The following TENM1 variants were observed in gnomAD, a reference collection of about 807,000 sequenced individuals.
The protein encoded by TENM1 is teneurin transmembrane protein 1.
TENM1 carries 35 observed loss-of-function variants against 174.8 expected under a neutral mutation model. The ratio of observed to expected loss-of-function variants is 0.20; its 90% CI spans 0.15 to 0.27. TENM1 has a LOEUF of 0.27. TENM1 is among the 10% of genes least tolerant of loss of function. The pLI, the probability that TENM1 is intolerant of heterozygous loss-of-function variation, is 1.00. For missense variants in TENM1, 1,633 were observed against 2,130.1 expected, an observed-to-expected ratio of 0.77 and a Z score of 4.59; for synonymous variants, 781 against 798.7, an observed-to-expected ratio of 0.98 and a Z score of 0.37.
intron 11 of TENM1, among the ~76,000 whole-genome samples, chrX:124,636,087 G>A (rs189620974): frequency 1.2e-3 from 140 of 112,047 alleles, no homozygotes; most frequent in African/African-American, 4.4e-3. Flanking sequence ...TATCAGAGCA[G>A]CACAGTTAAC....
At chrX:124,869,032 C>T (rs1279571647) in intron 3 of TENM1, among the ~76,000 whole-genome samples, 2 of 103,034 alleles carry the variant, frequency 1.9e-5, no homozygotes, top group Admixed American at 1.1e-4. Flanking sequence ...CGAGACCAGC[C>T]TGGCCAACAT....
At chrX:124,874,676 A>C (rs1266654926) in intron 3 of TENM1, among the ~76,000 whole-genome samples, 2 of 110,959 alleles carry the variant, frequency 1.8e-5, no homozygotes, top group African/African-American at 6.5e-5. Flanking sequence ...ACTTATTTTC[A>C]CATTTAATTT....
At chrX:125,203,417 C>A in the TENM1 span, among the ~76,000 whole-genome samples, 26 of 112,322 alleles carry the variant, frequency 2.3e-4, no homozygotes, top group African/African-American at 7.8e-4. Context: ...CTGGGCTCTG[C>A]GCGAGAGCCG....
At chrX:125,159,093 T>C in the TENM1 span, among the ~76,000 whole-genome samples, 8 of 111,288 alleles carry the variant, frequency 7.2e-5, no homozygotes, top group Non-Finnish European at 1.5e-4. Flanking sequence ...TAGTAAACAG[T>C]CCAGTCAAAA....
intron 3 of TENM1, among the ~76,000 whole-genome samples, chrX:124,840,869 T>G (rs144798141): frequency 1.1e-4 from 12 of 111,744 alleles, no homozygotes; most frequent in South Asian, 3.7e-4. Flanking sequence ...ATAATATACA[T>G]TATAATTTTA....
At chrX:124,937,444 C>T (rs745811416) in intron 1 of TENM1, among the ~76,000 whole-genome samples, 218 of 111,736 alleles carry the variant, frequency 2.0e-3, no homozygotes, top group Middle Eastern at 4.7e-3. Flanking sequence ...AGATGATGCT[C>T]ATCTAAGTGC....
intron 23 of TENM1, among the ~76,000 whole-genome samples, chrX:124,432,737 T>C (rs1361517824): frequency 8.9e-6 from 1 of 112,180 alleles, no homozygotes; most frequent in Non-Finnish European, 1.9e-5. Context: ...ACTCTGTTTT[T>C]GAATCTGAGT....
chrX:124,487,276 G>A (rs2046972634), intron 20 of TENM1, 47 bp from the exon 24 acceptor site: 10 of 1,115,858 alleles, frequency 9.0e-6, no homozygotes, highest in Admixed American at 2.6e-5. Flanking sequence ...AGCAAACAGA[G>A]AGTCATCAGT....
intron 4 of TENM1, among the ~76,000 whole-genome samples, chrX:124,729,754 T>C (rs1219615383): frequency 2.7e-5 from 3 of 112,253 alleles, no homozygotes; most frequent in Non-Finnish European, 5.6e-5. Flanking sequence ...GTTTTGAAGA[T>C]TGATCACAGG....
intron 3 of TENM1, among the ~76,000 whole-genome samples, chrX:124,828,424 A>G (rs1369215515): frequency 2.7e-5 from 3 of 112,586 alleles, no homozygotes; most frequent in African/African-American, 6.5e-5. Context: ...ACTAAATAAA[A>G]CATAAATTTA....
chrX:124,443,401 CAG>C (rs1466718271), intron 23 of TENM1, among the ~76,000 whole-genome samples: 1 of 111,100 alleles, frequency 9.0e-6, no homozygotes, highest in African/African-American at 3.3e-5. Context: ...AATATTGATT[CAG>C]AGTTACCAAA....
At chrX:125,056,483 T>C in the TENM1 span, among the ~76,000 whole-genome samples, 1 of 111,670 alleles carries the variant, frequency 9.0e-6, no homozygotes, top group Non-Finnish European at 1.9e-5. Context: ...AGAGCCATTG[T>C]ACCACTGGTA....
chrX:124,980,614 G>A, the TENM1 span, among the ~76,000 whole-genome samples: 1 of 110,708 alleles, frequency 9.0e-6, no homozygotes, highest in Non-Finnish European at 1.9e-5. Flanking sequence ...ATTTAATAAT[G>A]AAAATTATGT....
At chrX:124,859,272 C>T (rs1462246058) in intron 3 of TENM1, among the ~76,000 whole-genome samples, 1 of 110,697 alleles carries the variant, frequency 9.0e-6, no homozygotes, top group Non-Finnish European at 1.9e-5. Context: ...TGGCCAGGCG[C>T]GGTGGCTCAA....
the TENM1 span, among the ~76,000 whole-genome samples, chrX:125,070,551 T>A: frequency 9.0e-6 from 1 of 111,616 alleles, no homozygotes; most frequent in African/African-American, 3.3e-5. Context: ...ACAAGTTTAC[T>A]TGTTAAGGTT....
At chrX:124,789,886 C>T (rs1269374677) in intron 3 of TENM1, among the ~76,000 whole-genome samples, 3 of 111,539 alleles carry the variant, frequency 2.7e-5, no homozygotes, top group Non-Finnish European at 5.6e-5. Flanking sequence ...TTTTCAGTAG[C>T]GCCTCATTCT....
In TENM1 at chrX:124,571,653, ATAAAT is replaced by A. The variant is rs1001283999; in HGVS notation, c.2078-6098_2078-6094del. On this transcript the variant is annotated intron_variant, in intron 11 of 31. Transcript: ENST00000422452. ...AAACATTAAAGATTAAAATTCAAAA[ATAAAT>A]TAGAGACTGCTATTAACAACTTTAT... Among the ~76,000 whole-genome samples the A allele has an allele frequency of 4.5e-5, 5 of 112,221 alleles. No homozygotes were observed. The South Asian group carries it at 1.1e-3, about 25-fold the overall frequency.
chrX:124,737,000 G>A, exon 4 of TENM1: 1 of 1,211,413 alleles, frequency 8.3e-7, no homozygotes, highest in African/African-American at 1.7e-5. Context: ...CAGCTGTTAT[G>A]CAGATGGACT....
the TENM1 span, among the ~76,000 whole-genome samples, chrX:125,039,573 T>C: frequency 1.8e-5 from 2 of 110,863 alleles, no homozygotes; most frequent in Non-Finnish European, 3.8e-5. Context: ...AAGACATAGG[T>C]AAACCTGAAC....
Sources: allele counts gnomAD v4.1 joint callset (sites outside exome capture counted in the v4.1 genomes callset), GRCh38; gene constraint gnomAD v4.1.1; transcripts MANE v1.5; gene names NCBI Gene and HGNC (gene_info 2026-07-23, HGNC 2026-07-21).